The following FRS2 variants were observed in gnomAD, a reference collection of about 807,000 sequenced individuals.
The protein encoded by FRS2 is FGFR signalling adaptor.
A neutral mutation model predicts 43.9 loss-of-function variants in FRS2; 8 were observed. That is an observed-to-expected ratio of 0.18 (90% CI 0.11 to 0.33). FRS2 has a LOEUF of 0.33. Ranked by LOEUF, FRS2 falls within the 10% of genes least tolerant of loss-of-function variation. The pLI, the probability that FRS2 is intolerant of heterozygous loss-of-function variation, is 1.00. For missense variants in FRS2, 534 were observed against 627.6 expected (o/e 0.85, Z 1.59); for synonymous variants, 219 against 220.3 (o/e 0.99, Z 0.05).
intron 1 of FRS2, chr12:69,491,539 T>A (rs1474197047): frequency 1.7e-5 from 2 of 117,938 alleles, no homozygotes; most frequent in Non-Finnish European, 3.3e-5. Flanking sequence ...TGGAGACAGG[T>A]ACCCAGGCTG....
chr12:69,564,601 T>C lies in FRS2; in HGVS notation c.-27+2327T>C, dbSNP rs574438484. 2.9e-3 allele frequency among the ~76,000 whole-genome samples: 440 copies of C among 152,328 alleles called. 3 individuals carry two copies. Among genetic ancestry groups the C allele is most frequent in the Non-Finnish European group, 4.9e-3 (330 of 68,032 alleles). On this transcript the variant is annotated intron_variant, in intron 4 of 8. Coordinates refer to ENST00000549921, the MANE Select transcript of FRS2 (RefSeq NM_001278356.2). ...TTTCCATTATGTCAAGTCAGTTCTT[T>C]GGTGCCACTGACTTTTCCTCTTAAA...
At chr12:69,544,444 G>T (rs577527546) in intron 3 of FRS2, among the ~76,000 whole-genome samples, 4 of 152,134 alleles carry the variant, frequency 2.6e-5, no homozygotes, top group African/African-American at 9.7e-5. Flanking sequence ...AGTGGTTCAT[G>T]TCTGTAATTT....
chr12:69,569,045 T>C lies in FRS2; in HGVS notation c.15T>C (p.Cys5=). 1 of 1,612,002 alleles carries C rather than the reference T, an allele frequency of 6.2e-7. No individual in the cohort carries two copies. Among genetic ancestry groups the C allele is most frequent in the South Asian group, 1.1e-5 (1 of 90,844 alleles). Residue 5 remains cysteine, a synonymous_variant, in exon 5 of 9, where the codon TGT becomes TGC. Transcript: ENST00000549921. MGSC[C]SCPDKDTVPD... ...CTGAAGAAGCCATGGGTAGCTGTTGTAGCTGTCCAGATAAAGACACTGTCC... is the reference window on the plus strand; with the variant it reads ...CTGAAGAAGCCATGGGTAGCTGTTGCAGCTGTCCAGATAAAGACACTGTCC...
chr12:69,510,605 C>G (rs1460823335), intron 1 of FRS2, among the ~76,000 whole-genome samples: 2 of 152,034 alleles, frequency 1.3e-5, no homozygotes, highest in Non-Finnish European at 2.9e-5. Flanking sequence ...ACTGTATTTG[C>G]TTTTGCTTGT....
chr12:69,568,510 TCTGC>T lies in FRS2; in HGVS notation c.-26-471_-26-468del, dbSNP rs201681343. ...GAGCCCAGCCTTGGGCAACATAATG[TCTGC>T]CTGCCTGCCTGCCTGCCTGCCTGTC... On this transcript the variant is annotated intron_variant, in intron 4 of 8. Transcript: ENST00000549921. 6.9e-4 allele frequency among the ~76,000 whole-genome samples: 104 copies of T among 150,864 alleles called. 1 individual carries two copies. The highest frequency in any genetic ancestry group is 3.4e-3 in the Middle Eastern group (1 of 294).
At chr12:69,492,427 T>C (rs910375176) in intron 1 of FRS2, among the ~76,000 whole-genome samples, 1 of 151,966 alleles carries the variant, frequency 6.6e-6, no homozygotes, top group African/African-American at 2.4e-5. Flanking sequence ...AAGGAGATGA[T>C]GGAGAGGGAT....
rs1302582871 is a variant in FRS2 at position 69,576,318 on chromosome 12, A to T, written c.*1363A>T. On this transcript the variant is annotated 3_prime_UTR_variant, in exon 9 of 9. Transcript: ENST00000549921. ...ATATTAATATTGTTGCCAGCATAGCAGGTACAGTGGAAGTCTTGTAGCAGT... is the reference window on the plus strand; with the variant it reads ...ATATTAATATTGTTGCCAGCATAGCTGGTACAGTGGAAGTCTTGTAGCAGT... 1 of 152,228 alleles carries T rather than the reference A, an allele frequency of 6.6e-6. No homozygotes were observed. The highest frequency in any genetic ancestry group is 1.5e-5 in the Non-Finnish European group (1 of 68,038). The allele number at this position is 152,228 out of a possible 1,614,324, so 9.4% of individuals were successfully genotyped here. A position where few individuals can be genotyped will look rare whatever the true frequency, so the allele number is the denominator to read the frequency against.
At chr12:69,537,813 A>G (rs943857205) in intron 3 of FRS2, 7 of 152,518 alleles carry the variant, frequency 4.6e-5, no homozygotes, top group African/African-American at 1.7e-4. Context: ...CTATAACTCT[A>G]ATTAGACATA....
At chr12:69,486,860 A>G (rs1010011879) in intron 1 of FRS2, among the ~76,000 whole-genome samples, 5 of 152,212 alleles carry the variant, frequency 3.3e-5, no homozygotes, top group Non-Finnish European at 7.3e-5. Context: ...GTTCAATTAT[A>G]TGAGGGCTGA....
At chr12:69,542,390 A>G (rs1299875862) in intron 3 of FRS2, among the ~76,000 whole-genome samples, 1 of 152,244 alleles carries the variant, frequency 6.6e-6, no homozygotes, top group Non-Finnish European at 1.5e-5. Context: ...AGAAAGCAGT[A>G]TAAAAAATAT....
At chr12:69,495,155 G>A (rs1353486319) in intron 1 of FRS2, among the ~76,000 whole-genome samples, 2 of 152,318 alleles carry the variant, frequency 1.3e-5, no homozygotes, top group Middle Eastern at 3.4e-3. Flanking sequence ...GGGAGCTGAA[G>A]AACAGTGATG....
chr12:69,491,801 C>T (rs1279356737), intron 1 of FRS2: 1 of 152,026 alleles, frequency 6.6e-6, no homozygotes, highest in Non-Finnish European at 1.5e-5. Flanking sequence ...AGTGCTGGGG[C>T]TATGTTTGAC....
chr12:69,479,085 A>G (rs1451531536), intron 1 of FRS2, among the ~76,000 whole-genome samples: 2 of 152,014 alleles, frequency 1.3e-5, no homozygotes, highest in Non-Finnish European at 2.9e-5. Context: ...TTGCCTATAC[A>G]CTGTATTTGC....
At chr12:69,557,895 T>A (rs940872656) in intron 3 of FRS2, 7 of 152,150 alleles carry the variant, frequency 4.6e-5, no homozygotes, top group African/African-American at 1.7e-4. Context: ...ATTTTAGCTT[T>A]TTCTTTTTTT....
chr12:69,484,416 C>G (rs1280658214), intron 1 of FRS2, among the ~76,000 whole-genome samples: 2 of 152,140 alleles, frequency 1.3e-5, no homozygotes, highest in African/African-American at 4.8e-5. Context: ...TGCCAGTGTT[C>G]CACAGTTCTG....
At chr12:69,564,673 T>C (rs1369753186) in intron 4 of FRS2, among the ~76,000 whole-genome samples, 1 of 152,178 alleles carries the variant, frequency 6.6e-6, no homozygotes, top group Non-Finnish European at 1.5e-5. Context: ...CCATTGCTGC[T>C]CTTGTTTTAG....
In FRS2 at chr12:69,576,531, G is replaced by GT. The variant is rs1881204351; in HGVS notation, c.*1576_*1577insT. 1 of 152,126 alleles carries GT rather than the reference G, an allele frequency of 6.6e-6. No individual in the cohort carries two copies. Among genetic ancestry groups the GT allele is most frequent in the South Asian group, 2.1e-4 (1 of 4,830 alleles). 9.4% of individuals were successfully genotyped at this position (152,126 alleles called of 1,614,324 possible). A position where few individuals can be genotyped will look rare whatever the true frequency, so the allele number is the denominator to read the frequency against. On this transcript the variant is annotated 3_prime_UTR_variant, in exon 9 of 9. Transcript: ENST00000549921. ...ATTTTACTATTTTCTCTAAATATGAGGAAGTTTGAGATTATGATCTGGATC... is the reference window on the plus strand; with the variant it reads ...ATTTTACTATTTTCTCTAAATATGAGTGAAGTTTGAGATTATGATCTGGATC...
chr12:69,554,349 G>A (rs562483568), intron 3 of FRS2, among the ~76,000 whole-genome samples: 3 of 152,162 alleles, frequency 2.0e-5, no homozygotes, highest in African/African-American at 4.8e-5. Context: ...CTTTTTGTGG[G>A]TTTATGTATT....
At chr12:69,472,629 A>G (rs775057754) in intron 1 of FRS2, among the ~76,000 whole-genome samples, 22 of 152,236 alleles carry the variant, frequency 1.4e-4, no homozygotes, top group African/African-American at 5.3e-4. Context: ...GTATTTTTAT[A>G]TTATACAAGT....
Sources: gnomAD v4.1 joint callset for allele counts (sites outside exome capture counted in the v4.1 genomes callset) on GRCh38, gnomAD v4.1.1 for gene constraint, MANE v1.5 for transcripts, NCBI Gene and HGNC (gene_info 2026-07-23, HGNC 2026-07-21) for gene names.